The following SNX25 variants were observed in gnomAD, a reference collection of about 807,000 sequenced individuals.
SNX25 encodes sorting nexin-25.
Under a neutral mutation model 113.7 loss-of-function variants are expected in SNX25, and 62 were observed. That is an observed-to-expected ratio of 0.55 (90% CI 0.44 to 0.67). The LOEUF is 0.67. Among genes scored for constraint, SNX25 ranks in the 30% least tolerant of loss-of-function variants. The pLI is 0.00. For synonymous variants in SNX25, 421 were observed against 436.2 expected (o/e 0.97, Z 0.43); for missense variants, 1,014 against 1,161.0 (o/e 0.87, Z 1.84).
chr4:185,310,967 A>G, intron 7 of SNX25, 151 bp downstream of exon 7: 2 of 788,358 alleles, frequency 2.5e-6, no homozygotes, highest in Non-Finnish European at 4.0e-6. Context: ...TCAAGGAGCT[A>G]CATTCCTTGG....
chr4:185,370,762 C>G (rs1437868715), downstream of SNX25: 1 of 1,614,088 alleles, frequency 6.2e-7, no homozygotes, highest in East Asian at 2.2e-5. Flanking sequence ...GGGAGACAGT[C>G]TGTGACCTGG....
At chr4:185,359,632 A>G (rs1033807465) in intron 16 of SNX25, among the ~76,000 whole-genome samples, 19 of 152,134 alleles carry the variant, frequency 1.2e-4, no homozygotes, top group African/African-American at 4.6e-4. Context: ...CATCTCTACT[A>G]AAAATACAAA....
At chr4:185,292,084 T>C (rs1279114137) in intron 6 of SNX25, among the ~76,000 whole-genome samples, 1 of 152,194 alleles carries the variant, frequency 6.6e-6, no homozygotes, top group Non-Finnish European at 1.5e-5. Flanking sequence ...TTTAGCTTTT[T>C]CTACATTAGT....
upstream of SNX25, among the ~76,000 whole-genome samples, chr4:185,205,451 CT>C (rs1354338154): frequency 2.1e-4 from 31 of 146,212 alleles, no homozygotes; most frequent in Admixed American, 2.1e-3. Context: ...AAGACTGTGT[CT>C]CAAAAAAAAA....
chr4:185,313,967 G>T (rs1283021332), intron 7 of SNX25, among the ~76,000 whole-genome samples: 1 of 152,130 alleles, frequency 6.6e-6, no homozygotes, highest in Non-Finnish European at 1.5e-5. Flanking sequence ...TCACTAAGTG[G>T]AAGTGGATCA....
intron 1 of SNX25, among the ~76,000 whole-genome samples, chr4:185,224,484 T>A (rs952552890): frequency 6.4e-5 from 8 of 125,214 alleles, no homozygotes; most frequent in Admixed American, 1.8e-4. Flanking sequence ...AATATATAGA[T>A]ATATAAATAG....
At chr4:185,218,107 C>T (rs1306422672) in intron 1 of SNX25, among the ~76,000 whole-genome samples, 4 of 151,968 alleles carry the variant, frequency 2.6e-5, no homozygotes, top group Non-Finnish European at 5.9e-5. Flanking sequence ...TTTTTTGAGG[C>T]GGAGTCTGGC....
intron 1 of SNX25, among the ~76,000 whole-genome samples, chr4:185,244,587 CAT>C (rs1744560306): frequency 6.6e-6 from 1 of 152,022 alleles, no homozygotes; most frequent in Non-Finnish European, 1.5e-5. Context: ...TATTTAATTT[CAT>C]AGAGAGCTAC....
chr4:185,291,859 C>A (rs531807154), intron 6 of SNX25, among the ~76,000 whole-genome samples: 1 of 152,148 alleles, frequency 6.6e-6, no homozygotes, highest in Non-Finnish European at 1.5e-5. Context: ...CGAATAAGAT[C>A]GCTTTAGTAG....
chr4:185,208,655 G>A (rs1238173349), upstream of SNX25, among the ~76,000 whole-genome samples: 3 of 151,968 alleles, frequency 2.0e-5, no homozygotes, highest in African/African-American at 4.8e-5. Flanking sequence ...TTGAACCCAG[G>A]AAGCAGAGAT....
intron 9 of SNX25, among the ~76,000 whole-genome samples, chr4:185,324,058 G>T (rs1436957900): frequency 1.3e-5 from 2 of 152,112 alleles, no homozygotes; most frequent in African/African-American, 4.8e-5. Context: ...CCCTCATGCT[G>T]GCATTGAGTC....
intron 6 of SNX25, among the ~76,000 whole-genome samples, chr4:185,291,440 T>C (rs1752156612): frequency 6.6e-6 from 1 of 152,218 alleles, no homozygotes; most frequent in South Asian, 2.1e-4. Flanking sequence ...ATGTACCTCA[T>C]ATAAGTAGAA....
At chr4:185,237,933 C>T (rs577046214) in intron 1 of SNX25, among the ~76,000 whole-genome samples, 54 of 151,314 alleles carry the variant, frequency 3.6e-4, no homozygotes, top group African/African-American at 1.3e-3. Flanking sequence ...CGTGGTGGCA[C>T]GTACCTGTAG....
chr4:185,270,161 G>A (rs779606183), intron 5 of SNX25, among the ~76,000 whole-genome samples: 10 of 151,396 alleles, frequency 6.6e-5, no homozygotes, highest in Non-Finnish European at 7.4e-5. Flanking sequence ...AGACCAGCCC[G>A]GGGAACATGG....
intron 16 of SNX25, among the ~76,000 whole-genome samples, chr4:185,358,130 A>T (rs890723551): frequency 6.6e-6 from 1 of 152,224 alleles, no homozygotes; most frequent in African/African-American, 2.4e-5. Context: ...ATCACATGGC[A>T]GGCGTTTACT....
intron 9 of SNX25, among the ~76,000 whole-genome samples, chr4:185,329,650 T>C (rs1003327122): frequency 9.9e-5 from 15 of 151,864 alleles, no homozygotes; most frequent in Admixed American, 9.2e-4. Context: ...AAAGGGCCTC[T>C]TGGATTGGAG....
chr4:185,217,526 A>G (rs1739067652), intron 1 of SNX25, among the ~76,000 whole-genome samples: 1 of 152,186 alleles, frequency 6.6e-6, no homozygotes, highest in East Asian at 1.9e-4. Context: ...TGAATGTTCT[A>G]CTTGGCACCT....
chr4:185,356,372 G>C (rs971621329), intron 15 of SNX25, among the ~76,000 whole-genome samples: 1 of 152,074 alleles, frequency 6.6e-6, no homozygotes, highest in Non-Finnish European at 1.5e-5. Context: ...GACCCTCTAG[G>C]TATGAGCCAC....
At chr4:185,213,568 A>G (rs1172214147) in intron 1 of SNX25, among the ~76,000 whole-genome samples, 1 of 152,162 alleles carries the variant, frequency 6.6e-6, no homozygotes, top group Non-Finnish European at 1.5e-5. Flanking sequence ...TTGTGAGTCC[A>G]GCTTTGTTGT....
Sources: gnomAD v4.1 joint callset for allele counts (sites outside exome capture counted in the v4.1 genomes callset) on GRCh38, gnomAD v4.1.1 for gene constraint, MANE v1.5 for transcripts, NCBI Gene and HGNC (gene_info 2026-07-23, HGNC 2026-07-21) for gene names.